SDC2: variants seen among roughly 807,000 people sequenced by gnomAD.
The protein encoded by SDC2 is syndecan 2.
Under a neutral mutation model 22.2 loss-of-function variants are expected in SDC2, and 13 were observed. That is an observed-to-expected ratio of 0.59 (90% CI 0.38 to 0.93). The LOEUF (loss-of-function observed/expected upper bound fraction) is 0.93. Among genes scored for constraint, SDC2 ranks in the 40% least tolerant of loss-of-function variants. The probability of loss-of-function intolerance (pLI) is 0.00; values close to 1 mark genes in which losing one functional copy is unlikely to be tolerated. For missense variants in SDC2, 235 were observed against 246.8 expected (o/e 0.95, Z 0.32); for synonymous variants, 94 against 92.8 (o/e 1.01, Z -0.07).
At chr8:96,608,975 T>C (rs924066257) in intron 4 of SDC2, among the ~76,000 whole-genome samples, 1 of 152,190 alleles carries the variant, frequency 6.6e-6, no homozygotes, top group African/African-American at 2.4e-5. Flanking sequence ...AATCCAAGAA[T>C]AGAAATAAAT....
In SDC2 at chr8:96,494,000, T is replaced by A. The variant is rs1054097336; in HGVS notation, c.-272T>A. On this transcript the variant is annotated 5_prime_UTR_variant, in exon 1 of 5. Coordinates refer to ENST00000302190, the MANE Select transcript of SDC2 (RefSeq NM_002998.4). ...GCAAGAAGAGCTTCAGAGAGCAGCC[T>A]TCCCGGAGCACCAACTCCGTGTCGG... The A allele has an allele frequency of 5.8e-6, 3 of 521,386 alleles. No individual in the cohort carries two copies. Among genetic ancestry groups the A allele is most frequent in the Admixed American group, 3.9e-5 (1 of 25,696 alleles). 32.3% of individuals were successfully genotyped at this position (521,386 alleles called of 1,614,324 possible).
intron 1 of SDC2, among the ~76,000 whole-genome samples, chr8:96,540,772 T>C (rs1009448510): frequency 5.3e-5 from 8 of 152,188 alleles, no homozygotes; most frequent in Admixed American, 1.3e-4. Flanking sequence ...ATGAAGTAGG[T>C]TTTACCACAG....
At chr8:96,538,702 A>T (rs1404782866) in intron 1 of SDC2, 1 of 152,262 alleles carries the variant, frequency 6.6e-6, no homozygotes, top group African/African-American at 2.4e-5. Context: ...TCAGAAGGAT[A>T]TTCTTTGCTG....
chr8:96,557,550 T>C (rs1814137089), intron 1 of SDC2, among the ~76,000 whole-genome samples: 1 of 146,186 alleles, frequency 6.8e-6, no homozygotes, highest in Admixed American at 6.9e-5. Context: ...CCGCATATTC[T>C]CACTCATAGG....
At chr8:96,574,224 G>T (rs1433703925) in intron 1 of SDC2, among the ~76,000 whole-genome samples, 1 of 152,088 alleles carries the variant, frequency 6.6e-6, no homozygotes, top group Non-Finnish European at 1.5e-5. Flanking sequence ...CTAAGGGGTT[G>T]GCAAGGCTGG....
intron 1 of SDC2, among the ~76,000 whole-genome samples, chr8:96,546,974 G>C (rs1270902788): frequency 6.6e-6 from 1 of 152,224 alleles, no homozygotes; most frequent in Admixed American, 6.5e-5. Flanking sequence ...TCTGTCTGCT[G>C]ATGGTAACTC....
chr8:96,502,583 G>T (rs945248980), intron 1 of SDC2, among the ~76,000 whole-genome samples: 1 of 152,198 alleles, frequency 6.6e-6, no homozygotes, highest in East Asian at 1.9e-4. Context: ...CCAGAGTGGG[G>T]CTTTTAACTG....
intron 1 of SDC2, among the ~76,000 whole-genome samples, chr8:96,545,382 A>G (rs531960636): frequency 1.3e-5 from 2 of 152,248 alleles, no homozygotes; most frequent in Middle Eastern, 3.4e-3. Context: ...TTCCCCCAAC[A>G]AGGTAATTCT....
At chr8:96,507,227 T>C (rs1813255684) in intron 1 of SDC2, among the ~76,000 whole-genome samples, 1 of 152,236 alleles carries the variant, frequency 6.6e-6, no homozygotes, top group South Asian at 2.1e-4. Flanking sequence ...AAATTTAGCC[T>C]ACGCTGTTTT....
intron 1 of SDC2, 102 bp downstream of exon 1, chr8:96,494,433 C>G: frequency 9.1e-7 from 1 of 1,103,968 alleles, no homozygotes; most frequent in South Asian, 1.5e-5. Flanking sequence ...AACCCCCAGT[C>G]CCCAAGTATA....
At chr8:96,514,911 G>A (rs960655383) in intron 1 of SDC2, among the ~76,000 whole-genome samples, 5 of 152,162 alleles carry the variant, frequency 3.3e-5, no homozygotes, top group Non-Finnish European at 5.9e-5. Context: ...CTGTGGCCCC[G>A]GGGGTCGGGG....
At chr8:96,539,406 A>G (rs1247862631) in intron 1 of SDC2, among the ~76,000 whole-genome samples, 1 of 152,240 alleles carries the variant, frequency 6.6e-6, no homozygotes, top group Non-Finnish European at 1.5e-5. Context: ...CGTATAAAGT[A>G]CTGAAGTATT....
chr8:96,570,850 T>C (rs1451833860), intron 1 of SDC2, among the ~76,000 whole-genome samples: 3 of 152,170 alleles, frequency 2.0e-5, no homozygotes, highest in Non-Finnish European at 4.4e-5. Flanking sequence ...ATTGCACTTA[T>C]GAGGTAACTG....
chr8:96,610,853 T>C lies in SDC2; in HGVS notation c.*1305T>C, dbSNP rs1815163471. 1 of 152,672 alleles carries C rather than the reference T, an allele frequency of 6.5e-6. No homozygotes were observed. Among genetic ancestry groups the C allele is most frequent in the African/African-American group, 2.4e-5 (1 of 41,462 alleles). The allele number at this position is 152,672 out of a possible 1,614,324, so 9.5% of individuals were successfully genotyped here. A position where few individuals can be genotyped will look rare whatever the true frequency, so the allele number is the denominator to read the frequency against. On this transcript the variant is annotated 3_prime_UTR_variant, in exon 5 of 5. Coordinates refer to ENST00000302190, the MANE Select transcript of SDC2 (RefSeq NM_002998.4). ...AAATCTGAATGTATTATCCTGTGTG[T>C]GTCTAGGTAGAGATATTGGAAGGCT...
intron 1 of SDC2, among the ~76,000 whole-genome samples, chr8:96,542,423 T>C (rs1813865493): frequency 6.6e-6 from 1 of 152,218 alleles, no homozygotes; most frequent in African/African-American, 2.4e-5. Flanking sequence ...AGGATGAGGC[T>C]CTGAAGTTGG....
chr8:96,565,234 G>C (rs1234046793), intron 1 of SDC2, among the ~76,000 whole-genome samples: 2 of 150,792 alleles, frequency 1.3e-5, no homozygotes, highest in South Asian at 4.2e-4. Flanking sequence ...ACAGGCGTGC[G>C]CCACCACACC....
At chr8:96,571,539 A>G (rs985621074) in intron 1 of SDC2, among the ~76,000 whole-genome samples, 1 of 152,170 alleles carries the variant, frequency 6.6e-6, no homozygotes, top group Non-Finnish European at 1.5e-5. Context: ...GATTCAGCCT[A>G]ATCTTGTGTT....
rs556969859 is a variant in SDC2, at chr8:96,566,166, GATT to G, written c.61-27308_61-27306del. On this transcript the variant is annotated intron_variant, in intron 1 of 4. Coordinates refer to ENST00000302190, the MANE Select transcript of SDC2 (RefSeq NM_002998.4). ...ACTGAAAGTTCTGGTGGTTTATCAT[GATT>G]ATTATACTTGTTGGCTGACTTTCTC... Among the ~76,000 whole-genome samples, 1,097 of 152,300 alleles carry G rather than the reference GATT, an allele frequency of 7.2e-3. 6 individuals are homozygous for G. Among genetic ancestry groups the G allele is most frequent in the Middle Eastern group, 0.024 (7 of 294 alleles).
chr8:96,590,284 G>A (rs184859718), intron 1 of SDC2, among the ~76,000 whole-genome samples: 58 of 152,340 alleles, frequency 3.8e-4, no homozygotes, highest in African/African-American at 1.4e-3. Flanking sequence ...AAATTAAACA[G>A]CCTCGTTATG....
Sources: gnomAD v4.1 joint callset for allele counts (sites outside exome capture counted in the v4.1 genomes callset) on GRCh38, gnomAD v4.1.1 for gene constraint, MANE v1.5 for transcripts, NCBI Gene and HGNC (gene_info 2026-07-23, HGNC 2026-07-21) for gene names.